Variants in CCSER1 observed in about 807,000 individuals in gnomAD.
CCSER1 encodes the protein coiled-coil serine rich protein 1.
A neutral mutation model predicts 82.0 loss-of-function variants in CCSER1; 41 were observed. The ratio of observed to expected loss-of-function variants is 0.50; its 90% CI spans 0.39 to 0.65. The LOEUF (loss-of-function observed/expected upper bound fraction) is 0.65. Ranked by LOEUF, CCSER1 falls within the 30% of genes least tolerant of loss-of-function variation. The pLI is 0.00. For synonymous variants in CCSER1, 414 were observed against 383.9 expected, an observed-to-expected ratio of 1.08 and a Z score of -0.92; for missense variants, 1,119 against 1,064.2, an observed-to-expected ratio of 1.05 and a Z score of -0.72.
At chr4:91,442,191 T>TG (rs1238881027) in intron 10 of CCSER1, among the ~76,000 whole-genome samples, 4 of 150,928 alleles carry the variant, frequency 2.7e-5, no homozygotes, top group African/African-American at 4.9e-5. Flanking sequence ...AGAACAAAGC[T>TG]GGAGGCATCA....
intron 7 of CCSER1, among the ~76,000 whole-genome samples, chr4:90,800,458 A>G (rs984974094): frequency 6.6e-6 from 1 of 152,048 alleles, no homozygotes; most frequent in South Asian, 2.1e-4. Flanking sequence ...CATGTAAACA[A>G]TTTCTTACCT....
intron 4 of CCSER1, among the ~76,000 whole-genome samples, chr4:90,430,026 A>G (rs1758061387): frequency 6.6e-6 from 1 of 151,846 alleles, no homozygotes; most frequent in East Asian, 1.9e-4. Context: ...CGTAGAATAT[A>G]CAGGTAGACT....
At chr4:91,039,408 C>G (rs1034216351) in intron 9 of CCSER1, among the ~76,000 whole-genome samples, 5 of 152,088 alleles carry the variant, frequency 3.3e-5, no homozygotes, top group African/African-American at 1.2e-4. Flanking sequence ...TAGTATACAA[C>G]ATTGTGTTTT....
At chr4:90,259,658 TTA>T (rs1254765114) in intron 1 of CCSER1, among the ~76,000 whole-genome samples, 1 of 152,182 alleles carries the variant, frequency 6.6e-6, no homozygotes, top group Non-Finnish European at 1.5e-5. Context: ...TTAAGAGTTT[TTA>T]TTATGAAGGG....
intron 5 of CCSER1, among the ~76,000 whole-genome samples, chr4:90,592,006 G>A (rs1782764645): frequency 6.6e-6 from 1 of 152,036 alleles, no homozygotes; most frequent in South Asian, 2.1e-4. Context: ...GGCACAGGGA[G>A]GGAAACATTA....
chr4:90,770,994 A>T (rs1391907196), intron 7 of CCSER1, among the ~76,000 whole-genome samples: 2 of 152,184 alleles, frequency 1.3e-5, no homozygotes, highest in Non-Finnish European at 2.9e-5. Context: ...AAATTACTAG[A>T]GGTGAGTAGT....
At chr4:91,151,526 T>C (rs549725414) in intron 10 of CCSER1, among the ~76,000 whole-genome samples, 1 of 152,300 alleles carries the variant, frequency 6.6e-6, no homozygotes, top group East Asian at 1.9e-4. Context: ...CTTTTGAATG[T>C]ATTTGCTCTT....
chr4:90,482,212 G>A lies in CCSER1; in HGVS notation c.1724+13858G>A, dbSNP rs1766121043. ...AGTTTATATTTCTGTGGGATCGGTG[G>A]TGATATCCCCTTTTTCATTTTTTAT... is the stretch of plus-strand genomic sequence containing the variant. On this transcript the variant is annotated intron_variant, in intron 5 of 10. Transcript: ENST00000509176. Among the ~76,000 whole-genome samples, 3 of 152,112 alleles carry A rather than the reference G, an allele frequency of 2.0e-5. No individual in the cohort carries two copies. The South Asian group carries it at 6.2e-4, about 32-fold the overall frequency.
At chr4:90,876,131 T>C (rs1767173630) in intron 8 of CCSER1, among the ~76,000 whole-genome samples, 1 of 152,056 alleles carries the variant, frequency 6.6e-6, no homozygotes. Context: ...TGCCCCCTTT[T>C]TCCCCTCTCT....
intron 9 of CCSER1, among the ~76,000 whole-genome samples, chr4:91,068,970 G>A (rs1721135636): frequency 6.6e-6 from 1 of 152,010 alleles, no homozygotes; most frequent in South Asian, 2.1e-4. Context: ...ATCACCTGAG[G>A]TCAGGAGTTT....
intron 5 of CCSER1, among the ~76,000 whole-genome samples, chr4:90,540,428 G>A (rs1775962703): frequency 6.6e-6 from 1 of 152,078 alleles, no homozygotes; most frequent in South Asian, 2.1e-4. Flanking sequence ...CTTATGTCAT[G>A]TGTGGATAAT....
At chr4:90,468,913 A>G (rs1763984273) in intron 5 of CCSER1, among the ~76,000 whole-genome samples, 1 of 152,186 alleles carries the variant, frequency 6.6e-6, no homozygotes, top group South Asian at 2.1e-4. Context: ...TATAATGACT[A>G]AAGAGGCTTA....
In CCSER1 at chr4:90,534,160, C is replaced by T. The variant is rs148757763; in HGVS notation, c.1724+65806C>T. 7.4e-3 allele frequency among the ~76,000 whole-genome samples: 1,128 copies of T among 152,304 alleles called. 17 individuals carry two copies. Among genetic ancestry groups the T allele is most frequent in the South Asian group, 0.063 (302 of 4,822 alleles). On this transcript the variant is annotated intron_variant, in intron 5 of 10. Coordinates refer to ENST00000509176, the MANE Select transcript of CCSER1 (RefSeq NM_001145065.2). The stretch of plus-strand genomic sequence containing the variant: ...TTTGTTTGTTTTTGAGACACAGTCT[C>T]GCTCTGTTGCCCAGGCTGGAGAGCA...
At chr4:91,210,360 T>C (rs1462437685) in intron 10 of CCSER1, among the ~76,000 whole-genome samples, 1 of 151,336 alleles carries the variant, frequency 6.6e-6, no homozygotes, top group Non-Finnish European at 1.5e-5. Context: ...ATTAAAAGTT[T>C]GATGGGGGAT....
At chr4:90,591,233 A>G (rs1246645978) in intron 5 of CCSER1, among the ~76,000 whole-genome samples, 1 of 152,066 alleles carries the variant, frequency 6.6e-6, no homozygotes, top group African/African-American at 2.4e-5. Flanking sequence ...TCATCTGCAA[A>G]CAGAGAAAAT....
intron 5 of CCSER1, among the ~76,000 whole-genome samples, chr4:90,564,040 G>A (rs1400481023): frequency 6.6e-6 from 1 of 152,066 alleles, no homozygotes; most frequent in African/African-American, 2.4e-5. Flanking sequence ...GATTAATGGT[G>A]TTGAGCATTT....
intron 1 of CCSER1, among the ~76,000 whole-genome samples, chr4:90,232,204 A>G (rs1012539715): frequency 2.4e-4 from 36 of 152,158 alleles, no homozygotes; most frequent in Admixed American, 1.3e-3. Flanking sequence ...GAGGCATCAC[A>G]CTACCTGACT....
intron 10 of CCSER1, among the ~76,000 whole-genome samples, chr4:91,154,224 C>T (rs1282294755): frequency 2.0e-5 from 3 of 152,044 alleles, no homozygotes; most frequent in Non-Finnish European, 4.4e-5. Flanking sequence ...ACGCCCCTCC[C>T]CCAGCCTTGC....
intron 10 of CCSER1, among the ~76,000 whole-genome samples, chr4:91,375,402 G>A (rs1180328039): frequency 6.6e-6 from 1 of 152,128 alleles, no homozygotes; most frequent in African/African-American, 2.4e-5. Context: ...GAGAGGATCG[G>A]TTCCACTTTT....
Sources: gnomAD v4.1 joint callset for allele counts (sites outside exome capture counted in the v4.1 genomes callset) on GRCh38, gnomAD v4.1.1 for gene constraint, MANE v1.5 for transcripts, NCBI Gene and HGNC (gene_info 2026-07-23, HGNC 2026-07-21) for gene names.